LUZP2: variants seen among roughly 807,000 people sequenced by gnomAD.
LUZP2 encodes leucine zipper protein 2.
In LUZP2, 52 loss-of-function variants were observed where a neutral mutation model predicts 51.6. That is an observed-to-expected ratio of 1.01 (90% CI 0.81 to 1.27). The LOEUF (loss-of-function observed/expected upper bound fraction) is 1.27. Ranked by LOEUF, LUZP2 falls within the 50% of genes most tolerant of loss-of-function variation. The pLI, the probability that LUZP2 is intolerant of heterozygous loss-of-function variation, is 0.00. For missense variants in LUZP2, 436 were observed against 395.4 expected (o/e 1.10, Z -0.87); for synonymous variants, 154 against 137.3 (o/e 1.12, Z -0.85).
intron 7 of LUZP2, among the ~76,000 whole-genome samples, chr11:24,928,029 A>G (rs1190504088): frequency 6.6e-6 from 1 of 151,712 alleles, no homozygotes; most frequent in Non-Finnish European, 1.5e-5. Flanking sequence ...TTCTTGATTT[A>G]TTTATCAGTT....
At chr11:24,752,384 A>G (rs1289112999) in intron 4 of LUZP2, among the ~76,000 whole-genome samples, 2 of 152,176 alleles carry the variant, frequency 1.3e-5, no homozygotes, top group African/African-American at 2.4e-5. Flanking sequence ...TTCAAATGTT[A>G]AAGCACGTAA....
chr11:24,937,040 A>G (rs552545075), intron 7 of LUZP2, among the ~76,000 whole-genome samples: 1 of 126,838 alleles, frequency 7.9e-6, no homozygotes, highest in Non-Finnish European at 1.7e-5. Flanking sequence ...TGCCTCCTGC[A>G]ATGAGAAACA....
chr11:24,943,791 C>A (rs1249884530), intron 7 of LUZP2, among the ~76,000 whole-genome samples: 1 of 150,504 alleles, frequency 6.6e-6, no homozygotes, highest in Non-Finnish European at 1.5e-5. Flanking sequence ...GGCATGAGAA[C>A]CACTTGAACC....
intron 10 of LUZP2, among the ~76,000 whole-genome samples, chr11:25,072,370 T>C (rs1156759459): frequency 1.3e-5 from 2 of 152,114 alleles, no homozygotes; most frequent in Non-Finnish European, 2.9e-5. Context: ...TGGCTCATAA[T>C]AGAAATTCAG....
intron 4 of LUZP2, among the ~76,000 whole-genome samples, chr11:24,762,565 G>A (rs1860020304): frequency 1.3e-5 from 2 of 152,074 alleles, no homozygotes; most frequent in Non-Finnish European, 2.9e-5. Flanking sequence ...TCTTATTATA[G>A]GGAACCCTCA....
At chr11:24,974,964 A>G (rs1855844926) in intron 7 of LUZP2, among the ~76,000 whole-genome samples, 1 of 152,074 alleles carries the variant, frequency 6.6e-6, no homozygotes, top group Non-Finnish European at 1.5e-5. Flanking sequence ...CCTGGGGGTC[A>G]GTGATCTTGG....
intron 1 of LUZP2, among the ~76,000 whole-genome samples, chr11:24,565,800 G>T (rs1389757085): frequency 6.6e-6 from 1 of 152,074 alleles, no homozygotes; most frequent in Middle Eastern, 3.2e-3. Flanking sequence ...TAAACAGTTT[G>T]TCTTCTTATA....
chr11:24,658,111 T>C (rs1028210176), intron 1 of LUZP2, among the ~76,000 whole-genome samples: 5 of 152,108 alleles, frequency 3.3e-5, no homozygotes, highest in Admixed American at 1.3e-4. Context: ...GAGCCCACAT[T>C]GCCAAGTCAA....
chr11:24,883,588 G>A (rs1164945662), intron 5 of LUZP2, among the ~76,000 whole-genome samples: 1 of 151,978 alleles, frequency 6.6e-6, no homozygotes, highest in African/African-American at 2.4e-5. Flanking sequence ...AATTTAAGAA[G>A]ACATTTCTCA....
chr11:24,780,563 A>G (rs1388832041), intron 5 of LUZP2, among the ~76,000 whole-genome samples: 2 of 152,208 alleles, frequency 1.3e-5, no homozygotes, highest in Admixed American at 1.3e-4. Flanking sequence ...TATAACAACA[A>G]CATGCCAATC....
At chr11:24,800,033 G>T (rs529954867) in intron 5 of LUZP2, among the ~76,000 whole-genome samples, 7 of 151,208 alleles carry the variant, frequency 4.6e-5, no homozygotes, top group Non-Finnish European at 1.0e-4. Flanking sequence ...GTGTAGATTT[G>T]ATCTCTTTAA....
chr11:24,955,749 T>C (rs1163286546), intron 7 of LUZP2, among the ~76,000 whole-genome samples: 1 of 151,986 alleles, frequency 6.6e-6, no homozygotes, highest in Admixed American at 6.6e-5. Flanking sequence ...TTGGGTGGTG[T>C]GCACTGTGTA....
At chr11:24,571,243 G>A (rs1852431842) in intron 1 of LUZP2, among the ~76,000 whole-genome samples, 1 of 64,642 alleles carries the variant, frequency 1.5e-5, no homozygotes, top group Non-Finnish European at 3.2e-5. Flanking sequence ...TCTTAAGAAC[G>A]TTCCAGCTCT....
At chr11:24,514,741 C>A (rs1850412800) in intron 1 of LUZP2, among the ~76,000 whole-genome samples, 1 of 152,098 alleles carries the variant, frequency 6.6e-6, no homozygotes, top group Non-Finnish European at 1.5e-5. Context: ...TTACATGAAT[C>A]TATTTATCAG....
chr11:24,881,239 T>G (rs1852457441), intron 5 of LUZP2, among the ~76,000 whole-genome samples: 1 of 152,074 alleles, frequency 6.6e-6, no homozygotes, highest in Admixed American at 6.6e-5. Flanking sequence ...CTGAGATGCC[T>G]TTGGTTTAGC....
chr11:24,830,731 A>G lies in LUZP2; in HGVS notation c.396+67423A>G, dbSNP rs1227442817. On this transcript the variant is annotated intron_variant, in intron 5 of 11. Transcript: ENST00000336930. ...CAAGGCTGGCCAGGTGCGGTGGCTC[A>G]TGCCTGTAATCCCAGCACTTTGGGA... Among the ~76,000 whole-genome samples, 4 of 152,218 alleles carry G rather than the reference A, an allele frequency of 2.6e-5. No individual in the cohort carries two copies. The South Asian group carries it at 8.3e-4, about 32-fold the overall frequency.
chr11:25,073,527 C>T (rs1859216085), intron 10 of LUZP2, among the ~76,000 whole-genome samples: 1 of 151,550 alleles, frequency 6.6e-6, no homozygotes, highest in Non-Finnish European at 1.5e-5. Context: ...GACAAGTTAG[C>T]CTAATACAGG....
At chr11:24,925,939 A>G (rs993133142) in intron 7 of LUZP2, among the ~76,000 whole-genome samples, 2 of 151,822 alleles carry the variant, frequency 1.3e-5, no homozygotes, top group African/African-American at 4.8e-5. Context: ...TATTATTCTT[A>G]TGCATTTGCA....
At chr11:24,593,977 A>G (rs1853343306) in intron 1 of LUZP2, among the ~76,000 whole-genome samples, 1 of 152,302 alleles carries the variant, frequency 6.6e-6, no homozygotes, top group Non-Finnish European at 1.5e-5. Context: ...TTTAAATAGA[A>G]TTACATTGCT....
Sources: gnomAD v4.1 joint callset for allele counts (sites outside exome capture counted in the v4.1 genomes callset) on GRCh38, gnomAD v4.1.1 for gene constraint, MANE v1.5 for transcripts, NCBI Gene and HGNC (gene_info 2026-07-23, HGNC 2026-07-21) for gene names.